Variants in LRRC15 observed in about 807,000 individuals in gnomAD.
LRRC15 encodes the protein leucine rich repeat containing 15.
LRRC15 carries 5 observed loss-of-function variants against 4.3 expected under a neutral mutation model. The ratio of observed to expected loss-of-function variants is 1.16; its 90% CI spans 0.61 to 2.44. The LOEUF is 2.44. Ranked by LOEUF, LRRC15 falls within the 30% of genes most tolerant of loss-of-function variation. The pLI is 0.01. For synonymous variants in LRRC15, 337 were observed against 323.2 expected (o/e 1.04, Z -0.46); for missense variants, 769 against 747.0 (o/e 1.03, Z -0.34).
At chr3:194,367,356 G>A (rs1713810919) in intron 1 of LRRC15, among the ~76,000 whole-genome samples, 1 of 152,044 alleles carries the variant, frequency 6.6e-6, no homozygotes, top group African/African-American at 2.4e-5. Context: ...CACCCAGACT[G>A]ATGTGCAGTG....
chr3:194,365,710 G>C (rs910247686), intron 1 of LRRC15, among the ~76,000 whole-genome samples: 1 of 152,114 alleles, frequency 6.6e-6, no homozygotes, highest in South Asian at 2.1e-4. Flanking sequence ...TGGACCTCCA[G>C]CAGGGCCGCC....
chr3:194,368,274 C>T (rs946261677), intron 1 of LRRC15, among the ~76,000 whole-genome samples: 1 of 152,158 alleles, frequency 6.6e-6, no homozygotes, highest in Non-Finnish European at 1.5e-5. Flanking sequence ...TCCTCCCCCA[C>T]CCCTTATTCT....
rs1713485831 is a variant in LRRC15, at chr3:194,358,147, G to A, written c.*1151C>T. The A allele has an allele frequency of 6.6e-6, 1 of 152,586 alleles. No homozygotes were observed. The highest frequency in any genetic ancestry group is 1.5e-5 in the Non-Finnish European group (1 of 68,326). The allele number at this position is 152,586 out of a possible 1,614,324, so 9.5% of individuals were successfully genotyped here. On this transcript the variant is annotated 3_prime_UTR_variant, in exon 2 of 2. Transcript: ENST00000347624. ...CCCCTGGCCACGGGGCCTTTGCACA[G>A]GCTGACTGTGGGGGGACCGTCCTGG... is the stretch of plus-strand genomic sequence containing the variant.
At chr3:194,366,928 C>T (rs1184918812) in intron 1 of LRRC15, among the ~76,000 whole-genome samples, 1 of 152,094 alleles carries the variant, frequency 6.6e-6, no homozygotes, top group Non-Finnish European at 1.5e-5. Flanking sequence ...AATCCCTGAG[C>T]CTCATCACCG....
rs899679464 is a variant in LRRC15, at chr3:194,358,404, A to T, written c.*894T>A. 2 of 152,256 alleles carry T rather than the reference A, an allele frequency of 1.3e-5. No individual in the cohort carries two copies. Among genetic ancestry groups the T allele is most frequent in the Admixed American group, 6.5e-5 (1 of 15,286 alleles). The allele number at this position is 152,256 out of a possible 1,614,324, so 9.4% of individuals were successfully genotyped here. ...AATTTTAAAACAAACTCTAGGGGTG[A>T]ACACAGGGACCCCCAGGCACCAGAT... On this transcript the variant is annotated 3_prime_UTR_variant, in exon 2 of 2. Transcript: ENST00000347624.
intron 1 of LRRC15, among the ~76,000 whole-genome samples, chr3:194,368,483 G>A (rs1306631677): frequency 1.3e-5 from 2 of 152,108 alleles, no homozygotes; most frequent in Admixed American, 6.6e-5. Context: ...AAGACCACAG[G>A]CAAATTGGGC....
rs73081778 is a variant in LRRC15, at chr3:194,359,304, C to T, written c.1740G>A (p.Glu580=). 40,615 of 1,585,088 alleles carry T rather than the reference C, an allele frequency of 0.026. 650 individuals are homozygous for T. The highest frequency in any genetic ancestry group is 0.076 in the African/African-American group (5,639 of 74,646). Reference sequence around the variant, plus strand: ...CCTGCTCCAGCCTGCCTCTTTAACACTCATTGGGTGCCTTCATCTGCATCA... The same window carrying T: ...CCTGCTCCAGCCTGCCTCTTTAACATTCATTGGGTGCCTTCATCTGCATCA... ...AVLMQMKAPN[E]C The change falls in exon 2 of 2, where the codon GAG becomes GAA. Residue 580 remains glutamate, a synonymous_variant. Coordinates refer to ENST00000347624, the MANE Select transcript of LRRC15 (RefSeq NM_130830.5).
rs562180667 is a variant in LRRC15, at chr3:194,365,087, T to C, written c.-3-4041A>G. On this transcript the variant is annotated intron_variant, in intron 1 of 1. Transcript: ENST00000347624. ...CAGTTAAAGGGCCACAAAGCTGCCC[T>C]AATTATAACTTCTCCCCCAGGCAGC... 1.5e-4 allele frequency among the ~76,000 whole-genome samples: 23 copies of C among 152,356 alleles called. No individual in the cohort carries two copies. The South Asian group carries it at 4.6e-3, about 30-fold the overall frequency.
intron 1 of LRRC15, among the ~76,000 whole-genome samples, chr3:194,369,193 C>G (rs12635704): frequency 3.9e-5 from 6 of 152,250 alleles, no homozygotes; most frequent in African/African-American, 1.4e-4. Flanking sequence ...GAACCAAATG[C>G]GGGGCAGACC....
chr3:194,366,175 G>A (rs1348240913), intron 1 of LRRC15, among the ~76,000 whole-genome samples: 4 of 152,190 alleles, frequency 2.6e-5, no homozygotes, highest in Non-Finnish European at 4.4e-5. Context: ...TCGGGCCTCC[G>A]TGCCTCCAGA....
intron 1 of LRRC15, among the ~76,000 whole-genome samples, chr3:194,367,794 C>T (rs77183310): frequency 1.9e-4 from 29 of 152,340 alleles, no homozygotes; most frequent in Non-Finnish European, 3.2e-4. Context: ...AGCGGGGACC[C>T]GCGTCTCTCA....
chr3:194,365,718 G>C (rs57531417), intron 1 of LRRC15, among the ~76,000 whole-genome samples: 1 of 152,066 alleles, frequency 6.6e-6, no homozygotes, highest in South Asian at 2.1e-4. Context: ...CAGCAGGGCC[G>C]CCCGGCCCGG....
rs1713564600 is a variant in LRRC15, at chr3:194,360,071, TAAGAATCAGGACCTGCAACTGGC to T, written c.950_972del (p.Arg317GlnfsTer93). On this transcript the variant is annotated frameshift_variant, in exon 2 of 2. Coordinates refer to ENST00000347624, the MANE Select transcript of LRRC15 (RefSeq NM_130830.5). LOFTEE classifies it low-confidence loss of function (END_TRUNC). ...GAGATGAAGCTGATCTGATTGCGGCTAAGAATCAGGACCTGCAACTGGCGGAGGTTGCTGAAGACATTGTCGGG... is the reference window on the plus strand; with the variant it reads ...GAGATGAAGCTGATCTGATTGCGGCTGGAGGTTGCTGAAGACATTGTCGGG... The T allele has an allele frequency of 6.2e-7, 1 of 1,614,122 alleles. No individual in the cohort carries two copies. The highest frequency in any genetic ancestry group is 1.3e-5 in the African/African-American group (1 of 74,936).
rs190268322 is a variant in LRRC15 at position 194,359,262 on chromosome 3, T to C, written c.*36A>G. 4.0e-6 allele frequency: 6 copies of C among 1,509,826 alleles called. No individual in the cohort carries two copies. The East Asian group carries it at 1.1e-4, about 29-fold the overall frequency. The allele number at this position is 1,509,826 out of a possible 1,614,324, so 93.5% of individuals were successfully genotyped here. ...AAGATGAAATTCCCAGGTCCTCCAGTCCCATCATTCCCCAGCCCTGCTCCA... is the reference window on the plus strand; with the variant it reads ...AAGATGAAATTCCCAGGTCCTCCAGCCCCATCATTCCCCAGCCCTGCTCCA... On this transcript the variant is annotated 3_prime_UTR_variant, in exon 2 of 2. Transcript: ENST00000347624.
Position 194,359,424 on chromosome 3 carries a change from G to T in LRRC15, c.1620C>A (p.Ala540=), listed in dbSNP as rs752548534. 16 of 1,614,178 alleles carry T rather than the reference G, an allele frequency of 9.9e-6. No homozygotes were observed. The highest frequency in any genetic ancestry group is 3.3e-5 in the Admixed American group (2 of 60,024). ...WGMTQAQSGL[A]IAAIVIGIVA... ...CAATGCCAATTACAATGGCGGCAAT[G>T]GCCAGCCCGCTCTGGGCCTGGGTCA... Residue 540 remains alanine, a synonymous_variant, in exon 2 of 2, where the codon GCC becomes GCA. Transcript: ENST00000347624.
intron 1 of LRRC15, among the ~76,000 whole-genome samples, chr3:194,366,150 G>C (rs963434274): frequency 6.6e-6 from 1 of 152,202 alleles, no homozygotes; most frequent in Non-Finnish European, 1.5e-5. Flanking sequence ...CTGCCTGAGA[G>C]GCTTGGCCTG....
chr3:194,365,964 C>G (rs903329), intron 1 of LRRC15, among the ~76,000 whole-genome samples: 122,172 of 152,216 alleles, frequency 0.8, 49,479 homozygotes, highest in East Asian at 0.94. Flanking sequence ...CCTGGCTTCT[C>G]CCTTCTCCCC....
chr3:194,363,758 G>A (rs952642281), intron 1 of LRRC15, among the ~76,000 whole-genome samples: 1 of 152,194 alleles, frequency 6.6e-6, no homozygotes, highest in African/African-American at 2.4e-5. Flanking sequence ...CTAGAGGATG[G>A]CAAGGGGATC....
At position 194,359,759 on chromosome 3, in the gene LRRC15, A is replaced by G. The variant is rs1170793888; in HGVS notation, c.1285T>C (p.Ser429Pro). ...CAGTTGCGGAGCGGAAGGATGTCTG[A>G]GTCACACCTCCAGGGATTGTCATAC... is the stretch of plus-strand genomic sequence containing the variant. ...RLYDNPWRCD[S>P]DILPLRNWLL... Residue 429 changes from serine (S) to proline (P), a missense_variant, in exon 2 of 2, where the codon TCA becomes CCA. Physicochemically the swap from Ser to Pro is moderately conservative, Grantham distance 74. Transcript: ENST00000347624. 5 of 1,614,136 alleles carry G rather than the reference A, an allele frequency of 3.1e-6. No individual in the cohort carries two copies. Among genetic ancestry groups the G allele is most frequent in the East Asian group, 2.2e-5 (1 of 44,888 alleles).
Sources: gnomAD v4.1 joint callset for allele counts (sites outside exome capture counted in the v4.1 genomes callset) on GRCh38, gnomAD v4.1.1 for gene constraint, MANE v1.5 for transcripts, NCBI Gene and HGNC (gene_info 2026-07-23, HGNC 2026-07-21) for gene names.